NKAIN2: variants seen among roughly 807,000 people sequenced by gnomAD.
NKAIN2 encodes the protein sodium/potassium transporting ATPase interacting 2, also known as sodium/potassium-transporting ATPase subunit beta-1-interacting protein 2.
A neutral mutation model predicts 32.6 loss-of-function variants in NKAIN2; 14 were observed. The observed-to-expected ratio is 0.43, with a 90% CI of 0.28 to 0.67. NKAIN2 has a LOEUF of 0.67. NKAIN2 is among the 30% of genes least tolerant of loss of function. The pLI is 0.17. For synonymous variants in NKAIN2, 80 were observed against 87.2 expected, an observed-to-expected ratio of 0.92 and a Z score of 0.46; for missense variants, 198 against 258.3, an observed-to-expected ratio of 0.77 and a Z score of 1.60.
At chr6:124,483,239 A>G (rs745430018) in intron 3 of NKAIN2, among the ~76,000 whole-genome samples, 4 of 152,220 alleles carry the variant, frequency 2.6e-5, no homozygotes, top group Non-Finnish European at 5.9e-5. Flanking sequence ...TCCGATGATC[A>G]TATGACTTAT....
intron 1 of NKAIN2, among the ~76,000 whole-genome samples, chr6:124,221,755 G>T (rs1163136211): frequency 1.3e-5 from 2 of 151,990 alleles, no homozygotes; most frequent in Non-Finnish European, 2.9e-5. Context: ...CCTTATCCTT[G>T]CTCTGTTCTG....
intron 1 of NKAIN2, among the ~76,000 whole-genome samples, chr6:124,198,736 T>C (rs1202778690): frequency 6.6e-6 from 1 of 152,146 alleles, no homozygotes; most frequent in Non-Finnish European, 1.5e-5. Context: ...TGCTCCTGCC[T>C]GTCTGCTCTC....
chr6:124,276,533 C>A (rs946424451), intron 1 of NKAIN2, among the ~76,000 whole-genome samples: 1 of 151,980 alleles, frequency 6.6e-6, no homozygotes, highest in African/African-American at 2.4e-5. Context: ...TAAGATAAAA[C>A]AAAATTATAT....
chr6:124,243,839 A>G (rs1273662070), intron 1 of NKAIN2, among the ~76,000 whole-genome samples: 1 of 152,138 alleles, frequency 6.6e-6, no homozygotes, highest in African/African-American at 2.4e-5. Flanking sequence ...CACGTTATAT[A>G]CAGGAAATAT....
chr6:124,573,578 C>T (rs1464221330), intron 3 of NKAIN2, among the ~76,000 whole-genome samples: 1 of 151,950 alleles, frequency 6.6e-6, no homozygotes, highest in Admixed American at 6.6e-5. Flanking sequence ...CAAACCTGCT[C>T]ATAATTTTCT....
intron 3 of NKAIN2, among the ~76,000 whole-genome samples, chr6:124,564,282 A>T (rs1277830736): frequency 6.6e-6 from 1 of 152,190 alleles, no homozygotes; most frequent in Non-Finnish European, 1.5e-5. Flanking sequence ...GTGTCTAGCT[A>T]AAGGATTATA....
chr6:123,835,346 C>T (rs1046877581), intron 1 of NKAIN2, among the ~76,000 whole-genome samples: 3 of 151,986 alleles, frequency 2.0e-5, no homozygotes, highest in Admixed American at 6.6e-5. Flanking sequence ...GTTTTTGGTA[C>T]GTGGCTATCA....
At chr6:124,407,855 CTGT>C (rs1773941148) in intron 3 of NKAIN2, among the ~76,000 whole-genome samples, 1 of 148,710 alleles carries the variant, frequency 6.7e-6, no homozygotes, top group Non-Finnish European at 1.5e-5. Flanking sequence ...TCTCCAGCAC[CTGT>C]TGTTTCCTGA....
chr6:124,646,980 C>CA (rs770124771), intron 3 of NKAIN2, among the ~76,000 whole-genome samples: 8 of 150,906 alleles, frequency 5.3e-5, no homozygotes, highest in African/African-American at 1.7e-4. Flanking sequence ...AAAAACAAAA[C>CA]AAAAAAAGCA....
At chr6:124,716,229 G>T (rs1775746075) in intron 4 of NKAIN2, among the ~76,000 whole-genome samples, 2 of 152,210 alleles carry the variant, frequency 1.3e-5, no homozygotes, top group South Asian at 4.1e-4. Flanking sequence ...TCAGCTCTGT[G>T]CATGCCTACT....
chr6:124,808,661 G>A (rs181164508), intron 5 of NKAIN2, among the ~76,000 whole-genome samples: 1 of 152,156 alleles, frequency 6.6e-6, no homozygotes, highest in Non-Finnish European at 1.5e-5. Flanking sequence ...AGGAAATAAA[G>A]GGTATTCAAT....
Position 124,823,985 on chromosome 6 carries a change from A to G in NKAIN2, c.*756A>G, listed in dbSNP as rs924169094. 3 of 152,212 alleles carry G rather than the reference A, an allele frequency of 2.0e-5. No individual in the cohort carries two copies. Among genetic ancestry groups the G allele is most frequent in the African/African-American group, 7.2e-5 (3 of 41,452 alleles). The allele number at this position is 152,212 out of a possible 1,614,324, so 9.4% of individuals were successfully genotyped here. A position where few individuals can be genotyped will look rare whatever the true frequency, so the allele number is the denominator to read the frequency against. On this transcript the variant is annotated 3_prime_UTR_variant, in exon 7 of 7. Transcript: ENST00000368417. ...CCAGCTGTCAGCAAAGTGCTTTACC[A>G]TAGAGCCTCCATGGTGGCCCAAAAG...
chr6:124,382,400 C>T (rs140514374), intron 3 of NKAIN2, among the ~76,000 whole-genome samples: 1,761 of 152,122 alleles, frequency 0.012, 36 homozygotes, highest in African/African-American at 0.039. Context: ...GAAACAAATG[C>T]GAGCTAAAAC....
At chr6:124,197,904 A>G (rs988637862) in intron 1 of NKAIN2, among the ~76,000 whole-genome samples, 38 of 148,216 alleles carry the variant, frequency 2.6e-4, no homozygotes, top group Admixed American at 2.2e-3. Flanking sequence ...TTTATTACCA[A>G]CAGCATTCCA....
At chr6:124,381,306 A>T (rs1387388053) in intron 3 of NKAIN2, among the ~76,000 whole-genome samples, 1 of 152,168 alleles carries the variant, frequency 6.6e-6, no homozygotes, top group Admixed American at 6.5e-5. Context: ...AAATATTTTA[A>T]ATTTGTTTTA....
chr6:123,938,378 A>G (rs1226490444), intron 1 of NKAIN2, among the ~76,000 whole-genome samples: 1 of 132,358 alleles, frequency 7.6e-6, no homozygotes, highest in Non-Finnish European at 1.6e-5. Context: ...CCGTGAAACC[A>G]GAACTCATTT....
intron 1 of NKAIN2, among the ~76,000 whole-genome samples, chr6:123,805,406 T>G (rs1192780567): frequency 6.6e-6 from 1 of 152,226 alleles, no homozygotes; most frequent in African/African-American, 2.4e-5. Context: ...TGTTAGTTAT[T>G]GCTGCTTTGT....
chr6:124,534,519 C>G (rs1400944007), intron 3 of NKAIN2, among the ~76,000 whole-genome samples: 1 of 152,154 alleles, frequency 6.6e-6, no homozygotes, highest in African/African-American at 2.4e-5. Context: ...GGGATCAATG[C>G]TGGTTACTAA....
intron 3 of NKAIN2, among the ~76,000 whole-genome samples, chr6:124,369,174 T>C (rs1207170784): frequency 1.3e-5 from 2 of 152,136 alleles, no homozygotes; most frequent in Non-Finnish European, 2.9e-5. Context: ...TCCTTGTTTG[T>C]CTCTAAAGCC....
Sources: allele counts gnomAD v4.1 joint callset (sites outside exome capture counted in the v4.1 genomes callset), GRCh38; gene constraint gnomAD v4.1.1; transcripts MANE v1.5; gene names NCBI Gene and HGNC (gene_info 2026-07-23, HGNC 2026-07-21).